The following ASB18 variants were observed in gnomAD, a reference collection of about 807,000 sequenced individuals.
The protein encoded by ASB18 is ankyrin repeat and SOCS box protein 18.
In ASB18, 33 loss-of-function variants were observed where a neutral mutation model predicts 33.4. The ratio of observed to expected loss-of-function variants is 0.99; its 90% CI spans 0.75 to 1.32. ASB18 has a LOEUF of 1.32. ASB18 is among the 40% of genes most tolerant of loss of function. The pLI is 0.00. For synonymous variants in ASB18, 295 were observed against 307.6 expected (o/e 0.96, Z 0.43); for missense variants, 694 against 655.5 (o/e 1.06, Z -0.64).
In ASB18 at chr2:236,194,892, G is replaced by A. The variant is rs749031517; in HGVS notation, c.1381C>T (p.Pro461Ser). The A allele has an allele frequency of 1.5e-5, 24 of 1,613,406 alleles. No individual in the cohort carries two copies. Among genetic ancestry groups the A allele is most frequent in the Non-Finnish European group, 2.0e-5 (24 of 1,179,714 alleles). The change falls in exon 6 of 6, where the codon CCA (proline) becomes TCA (serine). Residue 461 changes from proline to serine, a missense_variant. By Grantham distance (74) the Pro-to-Ser change is moderately conservative. Coordinates refer to ENST00000409749, the MANE Select transcript of ASB18 (RefSeq NM_212556.4). This position sits in a 1 kb window ranked among gnomAD's most constrained non-coding sequence, Gnocchi z 4.5. ...GCGTTTCAGTGCAAAACACCCTGTG[G>A]CTCCAAAAGTAGGTAATTCTGCAGG... The part of the protein sequence containing the change: ...KPLQNYLLLE[P>S]QGVLH
At position 236,252,174 on chromosome 2, in the gene ASB18, G is replaced by A. The variant is rs1240245358; in HGVS notation, c.206-10772C>T. ...CAGTCCCAGCTATTCAGGAGGCTGA[G>A]ACAGGAGAATTGCTTGAACCCAGGA... is the stretch of plus-strand genomic sequence containing the variant. On this transcript the variant is annotated intron_variant, in intron 1 of 5. Transcript: ENST00000409749. The surrounding 1 kb of genome is among the most constrained non-coding windows in gnomAD (Gnocchi z 7.9). Among the ~76,000 whole-genome samples, 1 of 152,026 alleles carries A rather than the reference G, an allele frequency of 6.6e-6. No homozygotes were observed. Among genetic ancestry groups the A allele is most frequent in the Non-Finnish European group, 1.5e-5 (1 of 68,010 alleles).
At chr2:236,207,857 C>G (rs1435207002) in intron 4 of ASB18, among the ~76,000 whole-genome samples, 1 of 150,660 alleles carries the variant, frequency 6.6e-6, no homozygotes, top group South Asian at 2.1e-4. Flanking sequence ...GCCTGACAGC[C>G]TGGAAACTTA....
chr2:236,217,149 G>A lies in ASB18; in HGVS notation c.597-2283C>T, dbSNP rs1180630612. Among the ~76,000 whole-genome samples the A allele has an allele frequency of 2.6e-5, 4 of 152,098 alleles. No homozygotes were observed. Among genetic ancestry groups the A allele is most frequent in the Non-Finnish European group, 5.9e-5 (4 of 68,022 alleles). On this transcript the variant is annotated intron_variant, in intron 3 of 5. Transcript: ENST00000409749. This position sits in a 1 kb window ranked among gnomAD's most constrained non-coding sequence, Gnocchi z 5.2. ...TGGGCCAGGCGCGGTGGCTCATGCC[G>A]GTAATCCCAGCACTTTGGGAGTCTG... is the stretch of plus-strand genomic sequence containing the variant.
In ASB18 at chr2:236,256,054, G is replaced by A. The variant is rs2106286073; in HGVS notation, c.205+8087C>T. 6.6e-6 allele frequency among the ~76,000 whole-genome samples: 1 copy of A among 151,974 alleles called. No homozygotes were observed. The highest frequency in any genetic ancestry group is 1.9e-4 in the East Asian group (1 of 5,176). On this transcript the variant is annotated intron_variant, in intron 1 of 5. Transcript: ENST00000409749. This position sits in a 1 kb window ranked among gnomAD's most constrained non-coding sequence, Gnocchi z 4.7. ...TCTATGTATTCATTTGTTTTTTGGA[G>A]ACCGGCTCTCACTGTTGCCAGGTTG...
chr2:236,224,201 T>G (rs1297482759), intron 3 of ASB18, among the ~76,000 whole-genome samples: 1 of 149,244 alleles, frequency 6.7e-6, no homozygotes, highest in Non-Finnish European at 1.5e-5. Flanking sequence ...TTTTTTTTTT[T>G]TTTTTTTTTT....
At chr2:236,243,193 G>A (rs1409487800) in intron 1 of ASB18, among the ~76,000 whole-genome samples, 1 of 151,680 alleles carries the variant, frequency 6.6e-6, no homozygotes, top group African/African-American at 2.4e-5. Flanking sequence ...AGCTGGGTGT[G>A]GTGGTGGGCG....
rs1224943491 is a variant in ASB18, at chr2:236,220,352, T to TGTCTCA, written c.597-5492_597-5487dup. On this transcript the variant is annotated intron_variant, in intron 3 of 5. Transcript: ENST00000409749. This position sits in a 1 kb window ranked among gnomAD's most constrained non-coding sequence, Gnocchi z 5.1. ...CCTGTCTCACCCACCTGCTCCCACCTGTCTCAGCTGCCTGCCAAGCCTCCA... is the reference window on the plus strand; with the variant it reads ...CCTGTCTCACCCACCTGCTCCCACCTGTCTCAGTCTCAGCTGCCTGCCAAGCCTCCA... Among the ~76,000 whole-genome samples the TGTCTCA allele has an allele frequency of 6.6e-6, 1 of 152,176 alleles. No individual in the cohort carries two copies. The highest frequency in any genetic ancestry group is 1.9e-4 in the East Asian group (1 of 5,182).
chr2:236,195,220 A>C lies in ASB18; in HGVS notation c.1216-163T>G, dbSNP rs1385336624. The stretch of plus-strand genomic sequence containing the variant: ...CACCATCTTGTGGGAACCACCCTCT[A>C]CCCCAGGGGCTTGTGTGCTCTCCCA... On this transcript the variant is annotated intron_variant, in intron 5 of 5. Coordinates refer to ENST00000409749, the MANE Select transcript of ASB18 (RefSeq NM_212556.4). The surrounding 1 kb of genome is among the most constrained non-coding windows in gnomAD (Gnocchi z 5.5). Among the ~76,000 whole-genome samples the C allele has an allele frequency of 2.0e-5, 3 of 152,094 alleles. No homozygotes were observed. The highest frequency in any genetic ancestry group is 4.4e-5 in the Non-Finnish European group (3 of 68,014).
At position 236,206,190 on chromosome 2, in the gene ASB18, G is replaced by GT. The variant is rs58498672; in HGVS notation, c.1101+8171dup. Among the ~76,000 whole-genome samples the GT allele has an allele frequency of 3.8e-3, 526 of 137,944 alleles. 1 individual carries two copies. Among genetic ancestry groups the GT allele is most frequent in the East Asian group, 8.4e-3 (39 of 4,664 alleles). 90.5% of individuals were successfully genotyped at this position (137,944 alleles called of 152,430 possible). A position where few individuals can be genotyped will look rare whatever the true frequency, so the allele number is the denominator to read the frequency against. ...ATCACTTTCTCTTTTAGTTTCTTGG[G>GT]TTTTTTTTTTTTTTGCACTTAAGAA... On this transcript the variant is annotated intron_variant, in intron 4 of 5. Transcript: ENST00000409749.
At position 236,255,073 on chromosome 2, in the gene ASB18, C is replaced by A. The variant is rs1166501965; in HGVS notation, c.205+9068G>T. Among the ~76,000 whole-genome samples, 1 of 152,160 alleles carries A rather than the reference C, an allele frequency of 6.6e-6. No homozygotes were observed. Among genetic ancestry groups the A allele is most frequent in the Admixed American group, 6.5e-5 (1 of 15,276 alleles). Reference sequence around the variant, plus strand: ...AGCTTCCTGAAGTCTCCCCAGAAGCCGAAGCCGCTACGCTTCCTGTACAGC... The same window carrying A: ...AGCTTCCTGAAGTCTCCCCAGAAGCAGAAGCCGCTACGCTTCCTGTACAGC... On this transcript the variant is annotated intron_variant, in intron 1 of 5. Coordinates refer to ENST00000409749, the MANE Select transcript of ASB18 (RefSeq NM_212556.4). This position sits in a 1 kb window ranked among gnomAD's most constrained non-coding sequence, Gnocchi z 4.4.
At position 236,193,824 on chromosome 2, in the gene ASB18, C is replaced by T. The variant is rs904221739; in HGVS notation, c.*1048G>A. Among the ~76,000 whole-genome samples, 1 of 152,104 alleles carries T rather than the reference C, an allele frequency of 6.6e-6. No homozygotes were observed. The highest frequency in any genetic ancestry group is 1.5e-5 in the Non-Finnish European group (1 of 68,028). ...AACAAGACTGATTCCTGGGCAAGGC[C>T]ACTGTCTGTATGGGTTTTCTCTGGG... On this transcript the variant is annotated 3_prime_UTR_variant, in exon 6 of 6. Transcript: ENST00000409749. The surrounding 1 kb of genome is among the most constrained non-coding windows in gnomAD (Gnocchi z 5.0).
chr2:236,243,536 A>G (rs2060631718), intron 1 of ASB18, among the ~76,000 whole-genome samples: 1 of 152,028 alleles, frequency 6.6e-6, no homozygotes, highest in African/African-American at 2.4e-5. Context: ...CAGGTTCCAG[A>G]TAAGTGTCCC....
intron 4 of ASB18, among the ~76,000 whole-genome samples, chr2:236,202,702 C>G (rs1319951611): frequency 6.7e-6 from 1 of 149,208 alleles, no homozygotes; most frequent in East Asian, 2.0e-4. Context: ...TCACTTGAAC[C>G]CAGGAGGCAG....
At chr2:236,247,125 CTTTTTT>C (rs3033949) in intron 1 of ASB18, among the ~76,000 whole-genome samples, 1 of 133,748 alleles carries the variant, frequency 7.5e-6, no homozygotes, top group Admixed American at 7.5e-5. Flanking sequence ...GAAACAGACT[CTTTTTT>C]TTTTTTTTTT....
rs1217241398 is a variant in ASB18 at position 236,263,554 on chromosome 2, G to GA, written c.205+586dup. Among the ~76,000 whole-genome samples the GA allele has an allele frequency of 2.0e-5, 3 of 151,886 alleles. No individual in the cohort carries two copies. The highest frequency in any genetic ancestry group is 7.3e-5 in the African/African-American group (3 of 41,368). On this transcript the variant is annotated intron_variant, in intron 1 of 5. Transcript: ENST00000409749. This position sits in a 1 kb window ranked among gnomAD's most constrained non-coding sequence, Gnocchi z 4.0. Reference sequence around the variant, plus strand: ...AACCAATTTAGAAACAATACAATTTGAAAAAATGTTATGTTCTTGTTCCAG... The same window carrying GA: ...AACCAATTTAGAAACAATACAATTTGAAAAAAATGTTATGTTCTTGTTCCAG...
At chr2:236,202,883 C>A (rs2060412299) in intron 4 of ASB18, among the ~76,000 whole-genome samples, 1 of 150,802 alleles carries the variant, frequency 6.6e-6, no homozygotes. Flanking sequence ...ATCATCCTTT[C>A]TCTTACATTT....
At chr2:236,198,611 C>T (rs923953925) in intron 4 of ASB18, among the ~76,000 whole-genome samples, 2 of 152,188 alleles carry the variant, frequency 1.3e-5, no homozygotes, top group African/African-American at 4.8e-5. Context: ...CATGATCCGC[C>T]CACCTCAGCC....
chr2:236,193,590 A>C lies in ASB18; in HGVS notation c.*1282T>G, dbSNP rs1043378986. Among the ~76,000 whole-genome samples the C allele has an allele frequency of 1.3e-5, 2 of 152,180 alleles. No homozygotes were observed. The highest frequency in any genetic ancestry group is 4.8e-5 in the African/African-American group (2 of 41,450). Reference sequence around the variant, plus strand: ...GGCGGGCAGATCACCTGAGATCGGGAGTTTGAGACCAGCCTGACGAACATG... The same window carrying C: ...GGCGGGCAGATCACCTGAGATCGGGCGTTTGAGACCAGCCTGACGAACATG... On this transcript the variant is annotated 3_prime_UTR_variant, in exon 6 of 6. Transcript: ENST00000409749. This position sits in a 1 kb window ranked among gnomAD's most constrained non-coding sequence, Gnocchi z 5.0.
At chr2:236,227,152 G>C (rs2060544782) in intron 3 of ASB18, among the ~76,000 whole-genome samples, 2 of 152,112 alleles carry the variant, frequency 1.3e-5, no homozygotes, top group South Asian at 4.1e-4. Flanking sequence ...GGGGAGGGAG[G>C]AATGGTGAAT....
Sources: gnomAD v4.1 joint callset for allele counts (sites outside exome capture counted in the v4.1 genomes callset) on GRCh38, gnomAD v4.1.1 for gene constraint, Gnocchi (gnomAD v3.1) non-coding constraint, MANE v1.5 for transcripts, NCBI Gene and HGNC (gene_info 2026-07-23, HGNC 2026-07-21) for gene names.